The following STAU2 variants were observed in gnomAD, a reference collection of about 807,000 sequenced individuals.
The protein encoded by STAU2 is double-stranded RNA-binding protein Staufen homolog 2.
In STAU2, 20 loss-of-function variants were observed where a neutral mutation model predicts 65.9. That is an observed-to-expected ratio of 0.30 (90% confidence interval 0.21 to 0.44). STAU2 has a LOEUF of 0.44. Among genes scored for constraint, STAU2 ranks in the 20% least tolerant of loss-of-function variants. The pLI, the probability that STAU2 is intolerant of heterozygous loss-of-function variation, is 1.00. For missense variants in STAU2, 558 were observed against 683.9 expected (o/e 0.82, Z 2.05); for synonymous variants, 232 against 233.9 (o/e 0.99, Z 0.07).
chr8:73,443,164 G>T (rs1472948061), intron 13 of STAU2, among the ~76,000 whole-genome samples: 1 of 152,082 alleles, frequency 6.6e-6, no homozygotes, highest in African/African-American at 2.4e-5. Flanking sequence ...CTAGCATCTG[G>T]TAGTATCAAA....
intron 13 of STAU2, among the ~76,000 whole-genome samples, chr8:73,490,273 T>C (rs1336838880): frequency 6.6e-6 from 1 of 152,016 alleles, no homozygotes; most frequent in African/African-American, 2.4e-5. Flanking sequence ...ACTTGACAAA[T>C]GGACACCGCG....
chr8:73,659,899 G>A (rs765439144), intron 6 of STAU2, among the ~76,000 whole-genome samples: 12 of 152,050 alleles, frequency 7.9e-5, no homozygotes, highest in Middle Eastern at 3.4e-3. Context: ...CTAAATAATC[G>A]CAACAAACTT....
chr8:73,640,241 T>G (rs553643969), intron 6 of STAU2, among the ~76,000 whole-genome samples: 39 of 148,428 alleles, frequency 2.6e-4, no homozygotes, highest in African/African-American at 9.2e-4. Flanking sequence ...AAGAAAAAAA[T>G]GAAACAAAAT....
intron 7 of STAU2, 127 bp from the exon 8 acceptor site, chr8:73,615,909 G>A: frequency 1.5e-6 from 1 of 648,100 alleles, no homozygotes; most frequent in South Asian, 2.1e-5. Flanking sequence ...TGTATCTGCT[G>A]CATTCTCCTG....
At chr8:73,576,419 G>C (rs536484413) in intron 12 of STAU2, among the ~76,000 whole-genome samples, 2 of 151,704 alleles carry the variant, frequency 1.3e-5, no homozygotes, top group Admixed American at 6.6e-5. Flanking sequence ...AAAAAAAAAA[G>C]CAAAATTAAA....
At position 73,633,443 on chromosome 8, in the gene STAU2, A is replaced by G. The variant is rs546677770; in HGVS notation, c.411-15992T>C. On this transcript the variant is annotated intron_variant, in intron 6 of 14. Transcript: ENST00000524300. Reference sequence around the variant, plus strand: ...CAGGTTCTCAGCTATGTGGGAGTAAAGCAATCAGGACTAGCAGAAGGACAA... The same window carrying G: ...CAGGTTCTCAGCTATGTGGGAGTAAGGCAATCAGGACTAGCAGAAGGACAA... 3.0e-4 allele frequency among the ~76,000 whole-genome samples: 46 copies of G among 152,304 alleles called. No homozygotes were observed. In the South Asian group the frequency reaches 8.9e-3, roughly 29 times the overall value.
chr8:73,513,555 T>C (rs1406605865), intron 13 of STAU2, among the ~76,000 whole-genome samples: 1 of 152,162 alleles, frequency 6.6e-6, no homozygotes, highest in African/African-American at 2.4e-5. Flanking sequence ...GGTGTATAGG[T>C]AGCTTGAGCC....
intron 12 of STAU2, among the ~76,000 whole-genome samples, chr8:73,555,522 T>G (rs1807677507): frequency 2.0e-5 from 3 of 151,912 alleles, no homozygotes; most frequent in Admixed American, 2.0e-4. Context: ...CAACTGTGGA[T>G]AGAAAACATT....
chr8:73,497,274 T>C (rs1267681367), intron 13 of STAU2, among the ~76,000 whole-genome samples: 2 of 151,748 alleles, frequency 1.3e-5, no homozygotes, highest in South Asian at 2.1e-4. Context: ...TTTAGATCTT[T>C]ATGTAATCAT....
At chr8:73,627,956 A>G (rs989397074) in intron 6 of STAU2, among the ~76,000 whole-genome samples, 3 of 152,146 alleles carry the variant, frequency 2.0e-5, no homozygotes, top group Non-Finnish European at 4.4e-5. Context: ...AAACCAGTTG[A>G]AAATTATTAT....
chr8:73,586,618 T>A (rs1402012320), intron 11 of STAU2, among the ~76,000 whole-genome samples: 2 of 51,922 alleles, frequency 3.9e-5, no homozygotes, highest in African/African-American at 1.6e-4. Flanking sequence ...AACAGAAAGA[T>A]AATGAGGAGA....
intron 3 of STAU2, chr8:73,733,032 TA>T (rs1414644084): frequency 1.3e-5 from 2 of 151,780 alleles, no homozygotes; most frequent in Non-Finnish European, 2.9e-5. Flanking sequence ...TCCAGTGTAA[TA>T]AAAACTTTTT....
chr8:73,621,519 G>C (rs898310050), intron 6 of STAU2, among the ~76,000 whole-genome samples: 5 of 152,144 alleles, frequency 3.3e-5, no homozygotes, highest in African/African-American at 7.2e-5. Flanking sequence ...TACCTAAGCA[G>C]ACATAGCTAT....
intron 13 of STAU2, among the ~76,000 whole-genome samples, chr8:73,430,703 T>C (rs1817204488): frequency 6.6e-6 from 1 of 152,212 alleles, no homozygotes; most frequent in Non-Finnish European, 1.5e-5. Flanking sequence ...ACAAAAATGT[T>C]TTACTACATA....
intron 12 of STAU2, among the ~76,000 whole-genome samples, chr8:73,560,297 T>G (rs988655654): frequency 3.3e-5 from 5 of 152,002 alleles, no homozygotes; most frequent in Non-Finnish European, 5.9e-5. Context: ...AGCCAGGATG[T>G]TCTCGATCTC....
chr8:73,708,088 T>TC (rs1356420151), intron 4 of STAU2, among the ~76,000 whole-genome samples: 2 of 152,154 alleles, frequency 1.3e-5, no homozygotes, highest in African/African-American at 2.4e-5. Flanking sequence ...ACAACTATTT[T>TC]TTCTGTTAAA....
intron 13 of STAU2, among the ~76,000 whole-genome samples, chr8:73,448,937 C>G (rs1217980561): frequency 6.6e-6 from 1 of 152,254 alleles, no homozygotes; most frequent in Non-Finnish European, 1.5e-5. Flanking sequence ...ACAGCGGGTA[C>G]TCTGAGGAGG....
rs115582081 is a variant in STAU2, at chr8:73,576,315, C to T, written c.1222+6455G>A. Among the ~76,000 whole-genome samples, 772 of 151,632 alleles carry T rather than the reference C, an allele frequency of 5.1e-3. 9 individuals are homozygous for T. Among genetic ancestry groups the T allele is most frequent in the African/African-American group, 0.016 (673 of 41,340 alleles). Reference sequence around the variant, plus strand: ...GGATGAAATACTTTATGTAACAAAACAAAATAATCTTAAATTGCAATCTTA... The same window carrying T: ...GGATGAAATACTTTATGTAACAAAATAAAATAATCTTAAATTGCAATCTTA... On this transcript the variant is annotated intron_variant, in intron 12 of 14. Transcript: ENST00000524300.
chr8:73,720,945 T>A (rs182477606), intron 3 of STAU2, among the ~76,000 whole-genome samples: 19 of 151,978 alleles, frequency 1.3e-4, no homozygotes, highest in Admixed American at 1.2e-3. Flanking sequence ...TGTAATCAGA[T>A]ACAATTTTTT....
Sources: allele counts gnomAD v4.1 joint callset (sites outside exome capture counted in the v4.1 genomes callset), GRCh38; gene constraint gnomAD v4.1.1; transcripts MANE v1.5; gene names NCBI Gene and HGNC (gene_info 2026-07-23, HGNC 2026-07-21).